The following UST variants were observed in gnomAD, a reference collection of about 807,000 sequenced individuals.
UST encodes the protein uronyl 2-sulfotransferase, also known as chondroitin sulfate 2-O-sulfotransferase.
Under a neutral mutation model 45.6 loss-of-function variants are expected in UST, and 21 were observed. The observed-to-expected ratio is 0.46, with a 90% CI of 0.33 to 0.66. The LOEUF (loss-of-function observed/expected upper bound fraction) is 0.66, where lower values mean the gene tolerates loss of function less well. UST is among the 30% of genes least tolerant of loss of function. The pLI is 0.02. For synonymous variants in UST, 215 were observed against 200.6 expected (o/e 1.07, Z -0.61); for missense variants, 463 against 512.4 (o/e 0.90, Z 0.93).
At chr6:148,954,018 C>A in intron 4 of UST, 67 bp downstream of exon 4, 1 of 1,323,544 alleles carries the variant, frequency 7.6e-7, no homozygotes, top group South Asian at 1.3e-5. Flanking sequence ...TAGAAATCTA[C>A]CTTTATTTAC....
chr6:148,856,537 G>A, intron 1 of UST, among the ~76,000 whole-genome samples: 1 of 152,202 alleles, frequency 6.6e-6, no homozygotes. Flanking sequence ...TGTCCTGCAT[G>A]GGGGCTTTTC....
At position 148,776,182 on chromosome 6, in the gene UST, C is replaced by A. The variant is rs1185292906; in HGVS notation, c.247+28505C>A. ...CAAGAAAGATCTCTTTAAATACCAG[C>A]CTGGTGTTGTTCTGTGTTAGAGAAA... On this transcript the variant is annotated intron_variant, in intron 1 of 7. Coordinates refer to ENST00000367463, the MANE Select transcript of UST (RefSeq NM_005715.3). Among the ~76,000 whole-genome samples, 3 of 152,162 alleles carry A rather than the reference C, an allele frequency of 2.0e-5. No homozygotes were observed. In the East Asian group the frequency reaches 5.8e-4, roughly 29 times the overall value.
At chr6:148,864,244 G>A (rs114378704) in intron 1 of UST, among the ~76,000 whole-genome samples, 1,598 of 152,336 alleles carry the variant, frequency 0.01, 31 homozygotes, top group African/African-American at 0.036. Context: ...CTCGCAGTTC[G>A]ATCTCATACT....
chr6:148,972,607 C>T (rs367894108), intron 5 of UST, among the ~76,000 whole-genome samples: 2 of 152,380 alleles, frequency 1.3e-5, no homozygotes, highest in East Asian at 3.9e-4. Context: ...CCGCAAGGGC[C>T]GCCAGAGCAC....
Position 148,837,162 on chromosome 6 carries a change from T to G in UST, c.248-49824T>G, listed in dbSNP as rs192026862. On this transcript the variant is annotated intron_variant, in intron 1 of 7. Transcript: ENST00000367463. ...GGTGGCTTAATACATAATACCCCTT[T>G]AGTTATCTCCTGAATTTTGGAGCAA... 2.8e-3 allele frequency among the ~76,000 whole-genome samples: 421 copies of G among 152,294 alleles called. 5 individuals carry two copies. Among genetic ancestry groups the G allele is most frequent in the Non-Finnish European group, 3.8e-3 (257 of 68,016 alleles).
At chr6:148,800,650 T>C (rs1479685553) in intron 1 of UST, among the ~76,000 whole-genome samples, 1 of 151,728 alleles carries the variant, frequency 6.6e-6, no homozygotes. Flanking sequence ...ATTCGAGGGA[T>C]TGCCAAAAAA....
intron 1 of UST, among the ~76,000 whole-genome samples, chr6:148,877,378 G>A (rs1464470150): frequency 1.3e-5 from 1 of 75,540 alleles, no homozygotes; most frequent in African/African-American, 6.9e-5. Flanking sequence ...TGAGTGGGGG[G>A]GTCGTGTATG....
chr6:148,876,992 G>A (rs1318610530), intron 1 of UST, among the ~76,000 whole-genome samples: 3 of 57,462 alleles, frequency 5.2e-5, no homozygotes, highest in Admixed American at 1.9e-4. Context: ...GAGTGTGGGG[G>A]GTCATATATG....
intron 1 of UST, among the ~76,000 whole-genome samples, chr6:148,852,949 C>T (rs1051337504): frequency 1.3e-5 from 2 of 152,130 alleles, no homozygotes; most frequent in Non-Finnish European, 2.9e-5. Context: ...AATGAGGACA[C>T]TTGTCTTCTT....
intron 2 of UST, among the ~76,000 whole-genome samples, chr6:148,938,610 A>G (rs1036271599): frequency 2.3e-4 from 35 of 152,090 alleles, no homozygotes; most frequent in Admixed American, 1.2e-3. Context: ...AGCTTTTTAA[A>G]ATGACCTTCT....
At chr6:148,773,766 G>C (rs1776477570) in intron 1 of UST, among the ~76,000 whole-genome samples, 1 of 152,224 alleles carries the variant, frequency 6.6e-6, no homozygotes, top group East Asian at 1.9e-4. Context: ...CCAAATGCCA[G>C]GTTTAGGGCT....
At chr6:149,055,848 A>C (rs1245758814) in intron 7 of UST, among the ~76,000 whole-genome samples, 1 of 152,184 alleles carries the variant, frequency 6.6e-6, no homozygotes, top group Non-Finnish European at 1.5e-5. Context: ...CTGACATCAG[A>C]AGCTTCTGCA....
chr6:148,875,705 G>A (rs1037477336), intron 1 of UST, among the ~76,000 whole-genome samples: 1 of 152,230 alleles, frequency 6.6e-6, no homozygotes, highest in Admixed American at 6.5e-5. Context: ...TCGGGAGGCC[G>A]AGGCAGGAGA....
chr6:149,073,580 T>C (rs1330246395), intron 7 of UST, among the ~76,000 whole-genome samples: 2 of 152,354 alleles, frequency 1.3e-5, no homozygotes, highest in African/African-American at 4.8e-5. Flanking sequence ...TTGAATTTGG[T>C]CCAATCGCAT....
chr6:148,835,933 C>T (rs986117386), intron 1 of UST, among the ~76,000 whole-genome samples: 2 of 152,046 alleles, frequency 1.3e-5, no homozygotes, highest in African/African-American at 2.4e-5. Flanking sequence ...TGATGGCACA[C>T]AGTTATGTTC....
chr6:149,070,764 TTTATTA>T lies in UST; in HGVS notation c.938-3056_938-3051del, dbSNP rs567922235. The stretch of plus-strand genomic sequence containing the variant: ...AATCCAGTTATGCTCTTTTAGTTAT[TTTATTA>T]TTATTATTATTAATTTTAGACAGAG... On this transcript the variant is annotated intron_variant, in intron 7 of 7. Transcript: ENST00000367463. Among the ~76,000 whole-genome samples, 362 of 149,850 alleles carry T rather than the reference TTTATTA, an allele frequency of 2.4e-3. 4 individuals are homozygous for T. Among genetic ancestry groups the T allele is most frequent in the Non-Finnish European group, 2.1e-3 (139 of 67,310 alleles).
intron 7 of UST, among the ~76,000 whole-genome samples, chr6:149,025,042 A>G (rs1776031040): frequency 6.6e-6 from 1 of 152,180 alleles, no homozygotes; most frequent in Admixed American, 6.5e-5. Context: ...AGAAGAAAAA[A>G]CACTAATAGC....
chr6:148,965,589 C>A (rs1456695152), intron 5 of UST, among the ~76,000 whole-genome samples: 1 of 152,202 alleles, frequency 6.6e-6, no homozygotes, highest in Non-Finnish European at 1.5e-5. Flanking sequence ...TTCCTCATCT[C>A]ATTTTAAAAA....
At chr6:148,931,154 C>T (rs1465863599) in intron 2 of UST, among the ~76,000 whole-genome samples, 1 of 152,232 alleles carries the variant, frequency 6.6e-6, no homozygotes, top group Non-Finnish European at 1.5e-5. Context: ...GTGGTTGGCC[C>T]ATGCCAACAA....
Sources: gnomAD v4.1 joint callset for allele counts (sites outside exome capture counted in the v4.1 genomes callset) on GRCh38, gnomAD v4.1.1 for gene constraint, MANE v1.5 for transcripts, NCBI Gene and HGNC (gene_info 2026-07-23, HGNC 2026-07-21) for gene names.